The following EML1 variants were observed in gnomAD, a reference collection of about 807,000 sequenced individuals.
EML1 encodes the protein EMAP like 1.
EML1 carries 27 observed loss-of-function variants against 110.4 expected under a neutral mutation model. That is an observed-to-expected ratio of 0.24 (90% CI 0.18 to 0.34). The LOEUF (loss-of-function observed/expected upper bound fraction) is 0.34. Among genes scored for constraint, EML1 ranks in the 10% least tolerant of loss-of-function variants. The pLI is 1.00. For synonymous variants in EML1, 344 were observed against 385.8 expected (o/e 0.89, Z 1.27); for missense variants, 741 against 1,030.9 (o/e 0.72, Z 3.85).
chr14:99,931,939 C>T (rs770895428), intron 17 of EML1, among the ~76,000 whole-genome samples: 1 of 152,082 alleles, frequency 6.6e-6, no homozygotes, highest in African/African-American at 2.4e-5. Context: ...GTGGTTATGT[C>T]GGGGGCCAGG....
At chr14:99,737,758 T>C in exon 1 of EML1, 1 of 1,280,712 alleles carries the variant, frequency 7.8e-7, no homozygotes, top group African/African-American at 1.5e-5. Flanking sequence ...CAAGCCCTGC[T>C]GGGTGGGTGA....
At chr14:99,864,092 C>T (rs1044401214) in intron 2 of EML1, among the ~76,000 whole-genome samples, 2 of 152,198 alleles carry the variant, frequency 1.3e-5, no homozygotes, top group Non-Finnish European at 1.5e-5. Flanking sequence ...TGACAAATGA[C>T]GTTGAGCATC....
intron 1 of EML1, among the ~76,000 whole-genome samples, chr14:99,821,000 T>C (rs2058251943): frequency 6.6e-6 from 1 of 151,858 alleles, no homozygotes; most frequent in South Asian, 2.1e-4. Flanking sequence ...ACATGGTTAT[T>C]GCAGCAGGAC....
intron 17 of EML1, among the ~76,000 whole-genome samples, chr14:99,926,100 G>T (rs2060228372): frequency 6.6e-6 from 1 of 152,148 alleles, no homozygotes; most frequent in Admixed American, 6.5e-5. Flanking sequence ...CTGAAGTTGA[G>T]AAGATTTTCA....
intron 9 of EML1, among the ~76,000 whole-genome samples, chr14:99,901,495 G>A (rs1245978712): frequency 6.6e-6 from 1 of 152,200 alleles, no homozygotes; most frequent in East Asian, 1.9e-4. Flanking sequence ...AGTTTATTAG[G>A]AAAGTAAAAC....
chr14:99,849,832 G>C (rs771170366), intron 1 of EML1, among the ~76,000 whole-genome samples: 20 of 151,980 alleles, frequency 1.3e-4, no homozygotes, highest in Non-Finnish European at 2.8e-4. Flanking sequence ...ACAGACATGA[G>C]CCACGGCACC....
At chr14:99,741,350 A>C (rs1077901) in intron 1 of EML1, among the ~76,000 whole-genome samples, 1 of 151,920 alleles carries the variant, frequency 6.6e-6, no homozygotes, top group Non-Finnish European at 1.5e-5. Flanking sequence ...GCGTTTTGTA[A>C]GTGCGTGTGC....
upstream of EML1, among the ~76,000 whole-genome samples, chr14:99,770,838 G>GC (rs2057419917): frequency 7.3e-6 from 1 of 136,124 alleles, no homozygotes; most frequent in Non-Finnish European, 1.5e-5. Context: ...AGGCTGGAGT[G>GC]CAGTGGCGCG....
chr14:99,746,529 G>A (rs1037006756), intron 1 of EML1, among the ~76,000 whole-genome samples: 12 of 152,138 alleles, frequency 7.9e-5, no homozygotes. Context: ...GCAGCATGAA[G>A]AGAAACAGGA....
intron 1 of EML1, among the ~76,000 whole-genome samples, chr14:99,833,965 G>C (rs2058499932): frequency 6.6e-6 from 1 of 152,106 alleles, no homozygotes; most frequent in South Asian, 2.1e-4. Flanking sequence ...TTCTAATCTA[G>C]AGAGCTTATA....
chr14:99,745,334 G>A (rs1486817866), intron 1 of EML1, among the ~76,000 whole-genome samples: 2 of 152,198 alleles, frequency 1.3e-5, no homozygotes, highest in Admixed American at 1.3e-4. Flanking sequence ...CCAAAGTGCT[G>A]AGATCACAGG....
intron 1 of EML1, among the ~76,000 whole-genome samples, chr14:99,811,828 G>T (rs2058086064): frequency 6.6e-6 from 1 of 151,078 alleles, no homozygotes; most frequent in South Asian, 2.1e-4. Flanking sequence ...GAGAGAGAGA[G>T]AGAAAGGAAG....
At chr14:99,873,768 GTTAAT>G (rs1026041595) in intron 3 of EML1, among the ~76,000 whole-genome samples, 3 of 152,236 alleles carry the variant, frequency 2.0e-5, no homozygotes, top group Admixed American at 1.3e-4. Context: ...ATGAGCATTT[GTTAAT>G]TTAATTACTG....
chr14:99,879,462 AAGG>A (rs1039804175), intron 4 of EML1, among the ~76,000 whole-genome samples: 39 of 152,328 alleles, frequency 2.6e-4, no homozygotes, highest in Non-Finnish European at 3.1e-4. Flanking sequence ...ATGTTCATGT[AAGG>A]AGAAGGCTTA....
intron 1 of EML1, among the ~76,000 whole-genome samples, chr14:99,830,706 GCCC>G (rs1236961468): frequency 6.6e-6 from 1 of 151,180 alleles, no homozygotes; most frequent in Non-Finnish European, 1.5e-5. Context: ...ACCCACCACC[GCCC>G]CCAGCTAAGT....
At chr14:99,787,960 A>T (rs2140224098) in intron 1 of EML1, among the ~76,000 whole-genome samples, 1 of 152,288 alleles carries the variant, frequency 6.6e-6, no homozygotes, top group East Asian at 1.9e-4. Context: ...TCAACAGATG[A>T]ATTTTTGCAG....
At chr14:99,927,788 T>A in intron 17 of EML1, among the ~76,000 whole-genome samples, 1 of 43,368 alleles carries the variant, frequency 2.3e-5, no homozygotes, top group Non-Finnish European at 4.2e-5. Context: ...GTAGTGGTGG[T>A]GGTATTGGTG....
At chr14:99,753,199 CCCCCGCCG>C (rs2057198781) in intron 1 of EML1, among the ~76,000 whole-genome samples, 1 of 130,034 alleles carries the variant, frequency 7.7e-6, no homozygotes, top group South Asian at 3.0e-4. Flanking sequence ...ACCCCCCGCC[CCCCCGCCG>C]CCCCCCCACC....
At position 99,936,993 on chromosome 14, in the gene EML1, C is replaced by T. The variant is rs377178760; in HGVS notation, c.2095+659C>T. ...TCCCCTGCTGGAAGTTACTGGAAAGCGCAGCGCTCCTCCTCTGCGTCTTCT... is the reference window on the plus strand; with the variant it reads ...TCCCCTGCTGGAAGTTACTGGAAAGTGCAGCGCTCCTCCTCTGCGTCTTCT... On this transcript the variant is annotated intron_variant, in intron 19 of 21. Coordinates refer to ENST00000262233, the MANE Select transcript of EML1 (RefSeq NM_004434.3). The surrounding 1 kb of genome is among the most constrained non-coding windows in gnomAD (Gnocchi z 5.5). 7.2e-5 allele frequency among the ~76,000 whole-genome samples: 11 copies of T among 152,214 alleles called. No homozygotes were observed. Among genetic ancestry groups the T allele is most frequent in the East Asian group, 1.9e-4 (1 of 5,186 alleles).
Sources: allele counts gnomAD v4.1 joint callset (sites outside exome capture counted in the v4.1 genomes callset), GRCh38; gene constraint gnomAD v4.1.1; non-coding constraint Gnocchi (gnomAD v3.1); transcripts MANE v1.5; gene names NCBI Gene and HGNC (gene_info 2026-07-23, HGNC 2026-07-21).